The following DRC8 variants were observed in gnomAD, a reference collection of about 807,000 sequenced individuals.
The protein encoded by DRC8 is dynein regulatory complex protein 8.
At chr1:245,119,742 G>A in the DRC8 span, among the ~76,000 whole-genome samples, 3 of 151,980 alleles carry the variant, frequency 2.0e-5, no homozygotes, top group Non-Finnish European at 4.4e-5. Flanking sequence ...GACCATCCTG[G>A]CTAACATGGT....
chr1:244,994,610 A>G, the DRC8 span, among the ~76,000 whole-genome samples: 1 of 151,800 alleles, frequency 6.6e-6, no homozygotes, highest in Non-Finnish European at 1.5e-5. Flanking sequence ...TTGTATTTTT[A>G]GTAGTGATGG....
chr1:245,054,282 G>C, the DRC8 span, among the ~76,000 whole-genome samples: 1 of 151,912 alleles, frequency 6.6e-6, no homozygotes, highest in Non-Finnish European at 1.5e-5. Flanking sequence ...CTTCCTCTGG[G>C]CTCAAGTGAT....
the DRC8 span, among the ~76,000 whole-genome samples, chr1:245,033,119 G>T: frequency 6.6e-6 from 1 of 152,226 alleles, no homozygotes; most frequent in Non-Finnish European, 1.5e-5. Context: ...GGCTAGTCCG[G>T]TACTGCATGC....
chr1:244,972,815 C>CAAAAAA, the DRC8 span, among the ~76,000 whole-genome samples: 1 of 93,444 alleles, frequency 1.1e-5, no homozygotes, highest in Non-Finnish European at 2.2e-5. Context: ...GACTCCGTCT[C>CAAAAAA]AAAAAAAAAA....
At chr1:245,071,430 G>A in the DRC8 span, among the ~76,000 whole-genome samples, 8 of 152,176 alleles carry the variant, frequency 5.3e-5, no homozygotes, top group African/African-American at 1.9e-4. Context: ...TGAGGGATGA[G>A]GTATTGGAAT....
chr1:245,100,601 T>G, the DRC8 span, among the ~76,000 whole-genome samples: 3 of 151,632 alleles, frequency 2.0e-5, no homozygotes, highest in African/African-American at 4.8e-5. Context: ...GGCAACATGG[T>G]GAAACCCTGT....
chr1:244,991,993 C>G, the DRC8 span, among the ~76,000 whole-genome samples: 1 of 152,098 alleles, frequency 6.6e-6, no homozygotes, highest in Non-Finnish European at 1.5e-5. Context: ...AACCAAAACC[C>G]ATAGATAGGA....
At chr1:245,021,945 T>C in the DRC8 span, among the ~76,000 whole-genome samples, 4 of 151,826 alleles carry the variant, frequency 2.6e-5, no homozygotes, top group African/African-American at 7.3e-5. Flanking sequence ...GAGCTGGGAC[T>C]ATAAGCACGT....
the DRC8 span, among the ~76,000 whole-genome samples, chr1:245,086,509 A>C: frequency 6.6e-6 from 1 of 152,232 alleles, no homozygotes; most frequent in Non-Finnish European, 1.5e-5. Context: ...ACAGCCCTGG[A>C]TGTCATATGA....
chr1:244,970,270 C>T, the DRC8 span: 1 of 712,128 alleles, frequency 1.4e-6, no homozygotes, highest in South Asian at 1.5e-5. Flanking sequence ...AGCCTCCTCC[C>T]CGCCCCGCCC....
the DRC8 span, among the ~76,000 whole-genome samples, chr1:245,002,922 C>G: frequency 3.3e-5 from 5 of 152,166 alleles, no homozygotes. Flanking sequence ...TCACCCCAAA[C>G]TAAAGCTCTG....
the DRC8 span, chr1:245,122,244 C>T: frequency 5.3e-6 from 1 of 187,104 alleles, no homozygotes; most frequent in Non-Finnish European, 1.1e-5. Flanking sequence ...CTTGCTTTGT[C>T]TAGCTGTTCT....
At chr1:245,042,246 G>A in the DRC8 span, among the ~76,000 whole-genome samples, 3,322 of 152,308 alleles carry the variant, frequency 0.022, 133 homozygotes, top group African/African-American at 0.075. Flanking sequence ...CCAGTATTTT[G>A]TAGAGCTTTT....
the DRC8 span, among the ~76,000 whole-genome samples, chr1:244,995,796 C>T: frequency 6.6e-6 from 1 of 152,228 alleles, no homozygotes; most frequent in East Asian, 1.9e-4. Flanking sequence ...TCTGCTATTG[C>T]ATAAAAAGGA....
the DRC8 span, among the ~76,000 whole-genome samples, chr1:245,040,576 A>G: frequency 6.6e-6 from 1 of 152,174 alleles, no homozygotes; most frequent in African/African-American, 2.4e-5. Flanking sequence ...TTGACATTAG[A>G]ATTAAATGAG....
At chr1:244,970,653 C>CTG in the DRC8 span, 1 of 64,168 alleles carries the variant, frequency 1.6e-5, no homozygotes, top group East Asian at 0.045. Context: ...CCCGCCCCGC[C>CTG]CCGCCTCTCT....
chr1:245,111,106 GC>G, the DRC8 span, among the ~76,000 whole-genome samples: 1 of 152,154 alleles, frequency 6.6e-6, no homozygotes, highest in African/African-American at 2.4e-5. Flanking sequence ...AGAAAAGCAT[GC>G]ATGCTTTGCT....
At chr1:245,052,255 A>G in the DRC8 span, among the ~76,000 whole-genome samples, 1 of 152,146 alleles carries the variant, frequency 6.6e-6, no homozygotes, top group Non-Finnish European at 1.5e-5. Context: ...TTATTTTATT[A>G]TTTATTGCAG....
chr1:244,970,600 G>T, the DRC8 span: 1 of 856,230 alleles, frequency 1.2e-6, no homozygotes, highest in Non-Finnish European at 1.6e-6. Flanking sequence ...AGCAGCAGTC[G>T]CCCTGCCCCC....
Sources: allele counts gnomAD v4.1 joint callset (sites outside exome capture counted in the v4.1 genomes callset), GRCh38; gene constraint gnomAD v4.1.1; transcripts MANE v1.5; gene names NCBI Gene and HGNC (gene_info 2026-07-23, HGNC 2026-07-21).